Variants in SYNE1 observed in about 807,000 individuals in gnomAD.
SYNE1 encodes the protein spectrin repeat containing nuclear envelope protein 1, also known as nesprin-1.
In SYNE1, 616 loss-of-function variants were observed where a neutral mutation model predicts 1,111.0. The ratio of observed to expected loss-of-function variants is 0.55; its 90% CI spans 0.52 to 0.59. The LOEUF is 0.59. Ranked by LOEUF, SYNE1 falls within the 20% of genes least tolerant of loss-of-function variation. The pLI is 0.00. For synonymous variants in SYNE1, 3,855 were observed against 3,825.8 expected, an observed-to-expected ratio of 1.01 and a Z score of -0.28; for missense variants, 10,006 against 10,417.0, an observed-to-expected ratio of 0.96 and a Z score of 1.72.
Position 152,376,480 on chromosome 6 carries a change from A to G in SYNE1, c.9225T>C (p.Asp3075=). 6.2e-7 allele frequency: 1 copy of G among 1,614,200 alleles called. No individual in the cohort carries two copies. Among genetic ancestry groups the G allele is most frequent in the Non-Finnish European group, 8.5e-7 (1 of 1,180,032 alleles). Residue 3075 remains aspartate (D), a synonymous_variant, in exon 58 of 146, where the codon GAT becomes GAC. Transcript: ENST00000367255. ...TTGCATTAACCAACCACTGCTGGAA[A>G]TCCCTGAAGGCCTTTCGAAATCTTT... is the stretch of plus-strand genomic sequence containing the variant. ...LQQRFRKAFR[D]FQQWLVNAKI...
At chr6:152,487,166 C>T (rs944665850) in intron 12 of SYNE1, among the ~76,000 whole-genome samples, 2 of 152,174 alleles carry the variant, frequency 1.3e-5, no homozygotes, top group African/African-American at 4.8e-5. Context: ...AGGTACTAAG[C>T]CCAGCATCCA....
chr6:152,122,046 G>A lies in SYNE1; in HGVS notation c.*390C>T. On this transcript the variant is annotated 3_prime_UTR_variant, in exon 146 of 146. Transcript: ENST00000367255. The stretch of plus-strand genomic sequence containing the variant: ...TACGACACTGACATGGTGCTTGGGA[G>A]GGTCATTTATCTGATGGTTGGAGCA... 1 of 300,156 alleles carries A rather than the reference G, an allele frequency of 3.3e-6. No individual in the cohort carries two copies. Among genetic ancestry groups the A allele is most frequent in the Non-Finnish European group, 6.4e-6 (1 of 155,356 alleles). The allele number at this position is 300,156 out of a possible 1,614,324, so 18.6% of individuals were successfully genotyped here.
intron 3 of SYNE1, among the ~76,000 whole-genome samples, chr6:152,624,052 C>T (rs945908412): frequency 1.3e-5 from 2 of 152,082 alleles, no homozygotes; most frequent in Non-Finnish European, 2.9e-5. Context: ...TTATACTGAA[C>T]ACTTAGCAAA....
At chr6:152,622,122 T>A (rs1282749253) in intron 3 of SYNE1, among the ~76,000 whole-genome samples, 1 of 152,148 alleles carries the variant, frequency 6.6e-6, no homozygotes, top group Non-Finnish European at 1.5e-5. Flanking sequence ...ATACTTAAAT[T>A]TGAGATAATT....
chr6:152,275,855 T>C (rs1181301312), intron 98 of SYNE1, among the ~76,000 whole-genome samples: 2 of 148,164 alleles, frequency 1.3e-5, no homozygotes, highest in East Asian at 2.0e-4. Context: ...CACTCCAGCC[T>C]GGGTGACAGA....
intron 31 of SYNE1, 112 bp downstream of exon 31, chr6:152,441,963 G>A: frequency 7.8e-7 from 1 of 1,279,942 alleles, no homozygotes; most frequent in Non-Finnish European, 1.1e-6. Context: ...ATTTAACACA[G>A]GGCTGAAACA....
In SYNE1 at chr6:152,407,244, T is replaced by G. The variant is rs78757858; in HGVS notation, c.6541-48A>C. 2.7e-3 allele frequency: 4,207 copies of G among 1,584,320 alleles called. 97 individuals are homozygous for G. In the African/African-American group the frequency reaches 0.049, roughly 19 times the overall value. ...GGCATTCATAGTCAGAGGCGTAAGA[T>G]GATCATCCCCCAACCAAAGTACCAA... On this transcript the variant is annotated intron_variant, in intron 44 of 145. Coordinates refer to ENST00000367255, the MANE Select transcript of SYNE1 (RefSeq NM_182961.4).
chr6:152,292,791 T>G (rs1404990036), intron 95 of SYNE1, among the ~76,000 whole-genome samples: 1 of 152,204 alleles, frequency 6.6e-6, no homozygotes. Flanking sequence ...TGAAGGATTG[T>G]CACATGCTCC....
At chr6:152,472,796 G>A (rs2098814071) in intron 14 of SYNE1, among the ~76,000 whole-genome samples, 1 of 152,196 alleles carries the variant, frequency 6.6e-6, no homozygotes, top group South Asian at 2.1e-4. Flanking sequence ...ATGACAAATT[G>A]AAACCTTTAA....
At position 152,233,811 on chromosome 6, in the gene SYNE1, A is replaced by G. The variant is rs752021926; in HGVS notation, c.20682T>C (p.Asn6894=). The part of the protein sequence containing the change: ...IDSQWTDLLT[N]IPAVQEKLHQ... Reference sequence around the variant, plus strand: ...GGAGCTTCTCCTGGACGGCTGGGATATTGGTTAGCAGGTCAGTCCACTGGC... The same window carrying G: ...GGAGCTTCTCCTGGACGGCTGGGATGTTGGTTAGCAGGTCAGTCCACTGGC... Residue 6894 remains asparagine, a synonymous_variant, in exon 112 of 146, where the codon AAT becomes AAC. Transcript: ENST00000367255. 2 of 1,614,192 alleles carry G rather than the reference A, an allele frequency of 1.2e-6. No homozygotes were observed. The highest frequency in any genetic ancestry group is 2.2e-5 in the South Asian group (2 of 91,086).
intron 53 of SYNE1, among the ~76,000 whole-genome samples, chr6:152,388,870 A>G (rs1229571211): frequency 6.6e-6 from 1 of 152,192 alleles, no homozygotes; most frequent in Non-Finnish European, 1.5e-5. Flanking sequence ...ATCTACCCAT[A>G]TTCCTATGAA....
In SYNE1 at chr6:152,230,579, C is replaced by T. The variant is rs772233604; in HGVS notation, c.21163G>A (p.Ala7055Thr). Residue 7055 changes from alanine to threonine, a missense_variant, in exon 115 of 146, where the codon GCT (alanine) becomes ACT (threonine). By Grantham distance (58) the Ala-to-Thr change is moderately conservative. Coordinates refer to ENST00000367255, the MANE Select transcript of SYNE1 (RefSeq NM_182961.4). ...LKQQHRIGDQASVQNALKDCQ... is the reference protein window; with the variant it reads ...LKQQHRIGDQTSVQNALKDCQ... ...TCTTTCAGTGCATTTTGAACAGAAG[C>T]CTGATCTCCAATTCGATGCTGTTGT... 6.2e-7 allele frequency: 1 copy of T among 1,613,976 alleles called. No individual in the cohort carries two copies. Among genetic ancestry groups the T allele is most frequent in the East Asian group, 2.2e-5 (1 of 44,876 alleles).
intron 51 of SYNE1, among the ~76,000 whole-genome samples, chr6:152,395,195 G>A (rs1240955798): frequency 6.6e-6 from 1 of 152,046 alleles, no homozygotes; most frequent in East Asian, 1.9e-4. Context: ...CCTCAGAGAG[G>A]AAAGTACAGT....
chr6:152,441,108 G>A (rs1460597513), intron 32 of SYNE1, 22 bp downstream of exon 32: 2 of 1,612,648 alleles, frequency 1.2e-6, no homozygotes, highest in Non-Finnish European at 1.7e-6. Flanking sequence ...TGAATATTGG[G>A]TACCAAGGAG....
chr6:152,424,583 T>C (rs1008532616), intron 39 of SYNE1, among the ~76,000 whole-genome samples: 1 of 152,200 alleles, frequency 6.6e-6, no homozygotes, highest in African/African-American at 2.4e-5. Flanking sequence ...GTTTTGTTCA[T>C]TTTTATGGCT....
At chr6:152,563,744 T>A (rs1465427348) in intron 3 of SYNE1, among the ~76,000 whole-genome samples, 1 of 152,202 alleles carries the variant, frequency 6.6e-6, no homozygotes, top group East Asian at 1.9e-4. Context: ...AGAAATTAAA[T>A]GGACATTTTT....
At chr6:152,186,603 G>GAAGAA (rs2070139008) in intron 128 of SYNE1, among the ~76,000 whole-genome samples, 1 of 101,378 alleles carries the variant, frequency 9.9e-6, no homozygotes, top group Non-Finnish European at 2.1e-5. Flanking sequence ...AAAAGAAGAA[G>GAAGAA]AAGAAAATTA....
chr6:152,301,480 G>C (rs2095165497), intron 92 of SYNE1, among the ~76,000 whole-genome samples: 1 of 152,172 alleles, frequency 6.6e-6, no homozygotes, highest in Non-Finnish European at 1.5e-5. Flanking sequence ...TATGTAGTTA[G>C]CTAGTTAGCG....
At chr6:152,487,978 G>T (rs56204855) in intron 12 of SYNE1, among the ~76,000 whole-genome samples, 7,783 of 151,944 alleles carry the variant, frequency 0.051, 679 homozygotes, top group African/African-American at 0.18. Context: ...AGGAGGCTGA[G>T]GCAGGAGAAT....
Sources: allele counts gnomAD v4.1 joint callset (sites outside exome capture counted in the v4.1 genomes callset), GRCh38; gene constraint gnomAD v4.1.1; transcripts MANE v1.5; gene names NCBI Gene and HGNC (gene_info 2026-07-23, HGNC 2026-07-21).